GAREM1: variants seen among roughly 807,000 people sequenced by gnomAD.
GAREM1 encodes GRB2 associated regulator of MAPK1 subtype 1.
GAREM1 carries 26 observed loss-of-function variants against 71.3 expected under a neutral mutation model. The observed-to-expected ratio is 0.36, with a 90% CI of 0.27 to 0.51. GAREM1 has a LOEUF of 0.51. Ranked by LOEUF, GAREM1 falls within the 20% of genes least tolerant of loss-of-function variation. The pLI is 0.95. For missense variants in GAREM1, 1,026 were observed against 1,103.1 expected (o/e 0.93, Z 0.99); for synonymous variants, 440 against 433.2 (o/e 1.02, Z -0.20).
At chr18:32,422,001 CTTTAAGT>C (rs1047471704) in intron 1 of GAREM1, among the ~76,000 whole-genome samples, 2 of 151,704 alleles carry the variant, frequency 1.3e-5, no homozygotes, top group African/African-American at 4.8e-5. Context: ...TTTTTTTATA[CTTTAAGT>C]TTTAAGTTTT....
chr18:32,431,395 C>T (rs907130962), intron 1 of GAREM1, among the ~76,000 whole-genome samples: 21 of 152,036 alleles, frequency 1.4e-4, no homozygotes, highest in African/African-American at 3.6e-4. Flanking sequence ...TTTGGGAGGC[C>T]GAGGCAGGCG....
At chr18:32,276,934 AG>A (rs1353688579) in intron 4 of GAREM1, among the ~76,000 whole-genome samples, 1 of 152,230 alleles carries the variant, frequency 6.6e-6, no homozygotes, top group Non-Finnish European at 1.5e-5. Context: ...GTGCTCACAG[AG>A]CAGAATCATG....
At chr18:32,333,382 T>C (rs1273585045) in intron 2 of GAREM1, among the ~76,000 whole-genome samples, 1 of 149,424 alleles carries the variant, frequency 6.7e-6, no homozygotes, top group African/African-American at 2.5e-5. Context: ...CCAAGGAGAG[T>C]TCTCACTAGT....
chr18:32,320,921 T>C (rs1447062835), intron 2 of GAREM1, among the ~76,000 whole-genome samples: 2 of 152,202 alleles, frequency 1.3e-5, no homozygotes, highest in South Asian at 2.1e-4. Flanking sequence ...AGATTGAACA[T>C]GGTTGCTAAT....
intron 2 of GAREM1, among the ~76,000 whole-genome samples, chr18:32,371,011 AC>A (rs1323363228): frequency 6.6e-6 from 1 of 152,198 alleles, no homozygotes; most frequent in East Asian, 1.9e-4. Context: ...GGGGGAAACA[AC>A]AATGACAAAT....
chr18:32,313,097 AG>A (rs1277131449), intron 2 of GAREM1, among the ~76,000 whole-genome samples: 1 of 152,236 alleles, frequency 6.6e-6, no homozygotes, highest in African/African-American at 2.4e-5. Context: ...AGCCAAGGTC[AG>A]ATGCACAGAG....
chr18:32,324,669 C>G (rs2144545337), intron 2 of GAREM1, among the ~76,000 whole-genome samples: 1 of 152,264 alleles, frequency 6.6e-6, no homozygotes, highest in South Asian at 2.1e-4. Context: ...GGAAAGTTAG[C>G]AAAGACACAA....
intron 1 of GAREM1, among the ~76,000 whole-genome samples, chr18:32,438,843 A>G (rs2048707518): frequency 6.6e-6 from 1 of 152,166 alleles, no homozygotes; most frequent in Non-Finnish European, 1.5e-5. Flanking sequence ...CAAGGTGACA[A>G]ATTTGAAGGC....
chr18:32,280,494 C>A (rs1358734101), intron 4 of GAREM1, among the ~76,000 whole-genome samples: 1 of 152,174 alleles, frequency 6.6e-6, no homozygotes. Flanking sequence ...TTGTTCACAG[C>A]CTTAGAGCCT....
At chr18:32,443,902 TGTTGTAGATTG>T (rs1266444172) in intron 1 of GAREM1, among the ~76,000 whole-genome samples, 1 of 152,056 alleles carries the variant, frequency 6.6e-6, no homozygotes, top group Non-Finnish European at 1.5e-5. Context: ...GTAAACCAAA[TGTTGTAGATTG>T]GTACGATGTG....
chr18:32,379,115 A>C (rs2048068320), intron 2 of GAREM1, among the ~76,000 whole-genome samples: 1 of 152,104 alleles, frequency 6.6e-6, no homozygotes, highest in African/African-American at 2.4e-5. Context: ...TGCTTTCCTC[A>C]TCCAGAAAAG....
intron 1 of GAREM1, among the ~76,000 whole-genome samples, chr18:32,463,358 T>C (rs2048969624): frequency 6.6e-6 from 1 of 151,914 alleles, no homozygotes; most frequent in South Asian, 2.1e-4. Flanking sequence ...AAAACAGCCA[T>C]CTTACTTGAA....
intron 1 of GAREM1, among the ~76,000 whole-genome samples, chr18:32,418,306 T>A (rs2048484009): frequency 6.6e-6 from 1 of 152,126 alleles, no homozygotes; most frequent in African/African-American, 2.4e-5. Flanking sequence ...GTCTCAGATG[T>A]CCATGGTGTC....
In GAREM1 at chr18:32,394,396, T is replaced by C. The variant is rs189433826; in HGVS notation, c.122-1361A>G. Among the ~76,000 whole-genome samples, 796 of 152,240 alleles carry C rather than the reference T, an allele frequency of 5.2e-3. 7 individuals are homozygous for C. The highest frequency in any genetic ancestry group is 0.018 in the African/African-American group (766 of 41,544). On this transcript the variant is annotated intron_variant, in intron 1 of 5. Coordinates refer to ENST00000269209, the MANE Select transcript of GAREM1 (RefSeq NM_001242409.2). ...CAGCCTGGGTAACGGAGCGAGACCT[T>C]ATCTCAAAAAATAAAAAATGAAATA... is the stretch of plus-strand genomic sequence containing the variant.
At chr18:32,369,878 T>G (rs1291359883) in intron 2 of GAREM1, among the ~76,000 whole-genome samples, 1 of 152,222 alleles carries the variant, frequency 6.6e-6, no homozygotes, top group Admixed American at 6.5e-5. Context: ...AGGCCTGGCC[T>G]CTAGTCCTGG....
At chr18:32,341,147 G>A (rs955569351) in intron 2 of GAREM1, among the ~76,000 whole-genome samples, 1 of 152,078 alleles carries the variant, frequency 6.6e-6, no homozygotes, top group Non-Finnish European at 1.5e-5. Context: ...CCCCATGACA[G>A]GCCCCGGTGT....
At chr18:32,280,342 T>C (rs76693411) in intron 4 of GAREM1, among the ~76,000 whole-genome samples, 3,580 of 152,274 alleles carry the variant, frequency 0.024, 60 homozygotes, top group Middle Eastern at 0.027. Context: ...TTCTGTAGGC[T>C]GGGCATATCC....
intron 1 of GAREM1, among the ~76,000 whole-genome samples, chr18:32,460,230 C>A (rs1344497914): frequency 6.6e-6 from 1 of 152,048 alleles, no homozygotes; most frequent in East Asian, 1.9e-4. Context: ...TACATAAGCA[C>A]TGCTCATAGA....
At chr18:32,361,561 CAG>C (rs1216026715) in intron 2 of GAREM1, among the ~76,000 whole-genome samples, 1 of 152,130 alleles carries the variant, frequency 6.6e-6, no homozygotes, top group Non-Finnish European at 1.5e-5. Context: ...TGATTTTACA[CAG>C]AGAATTAGTT....
Sources: allele counts gnomAD v4.1 joint callset (sites outside exome capture counted in the v4.1 genomes callset), GRCh38; gene constraint gnomAD v4.1.1; transcripts MANE v1.5; gene names NCBI Gene and HGNC (gene_info 2026-07-23, HGNC 2026-07-21).